The following JPH3 variants were observed in gnomAD, a reference collection of about 807,000 sequenced individuals.
JPH3 encodes the protein junctophilin-3.
Under a neutral mutation model 59.6 loss-of-function variants are expected in JPH3, and 11 were observed. The observed-to-expected ratio is 0.18, with a 90% confidence interval of 0.12 to 0.31. The LOEUF (loss-of-function observed/expected upper bound fraction) is 0.31, where lower values mean the gene tolerates loss of function less well. JPH3 is among the 10% of genes least tolerant of loss of function. JPH3 has a pLI of 1.00. For missense variants in JPH3, 1,202 were observed against 1,105.7 expected (o/e 1.09, Z -1.24); for synonymous variants, 673 against 483.6 (o/e 1.39, Z -5.14).
intron 1 of JPH3, among the ~76,000 whole-genome samples, chr16:87,615,244 A>T (rs1218078511): frequency 2.0e-5 from 3 of 152,214 alleles, no homozygotes; most frequent in Non-Finnish European, 4.4e-5. Context: ...TTGCCCAGTG[A>T]GTAGAAAAAT....
At chr16:87,692,789 G>A (rs1054456090) in intron 4 of JPH3, among the ~76,000 whole-genome samples, 28 of 152,194 alleles carry the variant, frequency 1.8e-4, no homozygotes, top group African/African-American at 6.5e-4. Flanking sequence ...GAGGATGGCT[G>A]GGGAGACAGA....
chr16:87,645,502 G>A (rs185963415), intron 2 of JPH3, among the ~76,000 whole-genome samples: 358 of 152,276 alleles, frequency 2.4e-3, no homozygotes, highest in African/African-American at 7.9e-3. Flanking sequence ...AGATTCTTCC[G>A]GGACCCTGGG....
rs143270891 is a variant in JPH3, at chr16:87,664,161, C to A, written c.1160+19126C>A. ...CCTGGCTAACACGGTGAAACCTCGT[C>A]TCTACTAAAAATATAAAAAATTAGC... is the stretch of plus-strand genomic sequence containing the variant. On this transcript the variant is annotated intron_variant, in intron 2 of 4. Coordinates refer to ENST00000284262, the MANE Select transcript of JPH3 (RefSeq NM_020655.4). Among the ~76,000 whole-genome samples the A allele has an allele frequency of 9.8e-3, 1,489 of 151,776 alleles. 13 individuals carry two copies. The highest frequency in any genetic ancestry group is 0.015 in the Non-Finnish European group (989 of 67,968).
intron 1 of JPH3, among the ~76,000 whole-genome samples, chr16:87,631,152 G>A (rs1460601564): frequency 2.0e-5 from 3 of 152,096 alleles, no homozygotes; most frequent in Non-Finnish European, 4.4e-5. Context: ...GTACAAATAC[G>A]TTTGTTTATT....
intron 2 of JPH3, among the ~76,000 whole-genome samples, chr16:87,656,260 C>T (rs1031204972): frequency 2.0e-5 from 3 of 152,220 alleles, no homozygotes; most frequent in Admixed American, 1.3e-4. Flanking sequence ...GCCGAACCCT[C>T]AGCTGGAGTC....
At chr16:87,614,649 C>T (rs2030877909) in intron 1 of JPH3, among the ~76,000 whole-genome samples, 1 of 151,464 alleles carries the variant, frequency 6.6e-6, no homozygotes, top group Non-Finnish European at 1.5e-5. Flanking sequence ...CCTCCCCGTC[C>T]CAGGATAAAG....
intron 1 of JPH3, among the ~76,000 whole-genome samples, chr16:87,636,022 C>T (rs545027931): frequency 1.5e-3 from 225 of 152,354 alleles, no homozygotes; most frequent in African/African-American, 5.0e-3. Context: ...CCGTGCTGAC[C>T]GAGCCAGACC....
chr16:87,653,011 A>G (rs1077698), intron 2 of JPH3, among the ~76,000 whole-genome samples: 69,426 of 151,900 alleles, frequency 0.46, 16,323 homozygotes, highest in Middle Eastern at 0.62. Context: ...TGCAGGGGGA[A>G]GTTGGGGCCT....
chr16:87,681,211 A>C (rs1011262476), intron 2 of JPH3, among the ~76,000 whole-genome samples: 1 of 147,716 alleles, frequency 6.8e-6, no homozygotes, highest in Non-Finnish European at 1.5e-5. Context: ...CGGTGATGAC[A>C]GTTCCGGGAG....
intron 1 of JPH3, among the ~76,000 whole-genome samples, chr16:87,620,297 C>T (rs2031124639): frequency 6.7e-6 from 1 of 149,782 alleles, no homozygotes. Flanking sequence ...GGTGGGGCTG[C>T]AGCGACAGTG....
intron 2 of JPH3, among the ~76,000 whole-genome samples, chr16:87,671,114 T>C (rs1362450244): frequency 6.6e-6 from 1 of 152,112 alleles, no homozygotes; most frequent in African/African-American, 2.4e-5. Flanking sequence ...TTCCTAATCA[T>C]TGAGTCTTTG....
At chr16:87,618,607 C>T (rs2031059630) in intron 1 of JPH3, among the ~76,000 whole-genome samples, 2 of 152,230 alleles carry the variant, frequency 1.3e-5, no homozygotes, top group South Asian at 4.1e-4. Context: ...TTTACTCGTT[C>T]CCGCCAGCAG....
At position 87,696,571 on chromosome 16, in the gene JPH3, C is replaced by G. The variant is rs201540001; in HGVS notation, c.2167-9C>G. On this transcript the variant is annotated splice_polypyrimidine_tract_variant and intron_variant, in intron 4 of 4. Coordinates refer to ENST00000284262, the MANE Select transcript of JPH3 (RefSeq NM_020655.4). ...CTGTCGCTCACCTCTTCCCCTCGCT[C>G]TCTTCCAGGGCTCAGCGCCTATCCT... 2.5e-3 allele frequency: 4,016 copies of G among 1,612,372 alleles called. 11 individuals are homozygous for G. The highest frequency in any genetic ancestry group is 3.1e-3 in the Non-Finnish European group (3,662 of 1,179,368).
intron 1 of JPH3, among the ~76,000 whole-genome samples, chr16:87,616,233 TG>T (rs1567583331): frequency 0.16 from 20,553 of 132,558 alleles, 2,540 homozygotes; most frequent in Non-Finnish European, 0.24. Context: ...TGTGTGTGTG[TG>T]TGTATTTTTT....
At chr16:87,666,653 G>C (rs900449544) in intron 2 of JPH3, among the ~76,000 whole-genome samples, 2 of 152,152 alleles carry the variant, frequency 1.3e-5, no homozygotes, top group African/African-American at 4.8e-5. Flanking sequence ...GGGCTGGCCT[G>C]GTGCTCTGGG....
intron 1 of JPH3, among the ~76,000 whole-genome samples, chr16:87,637,860 C>G (rs754082821): frequency 6.6e-6 from 1 of 152,068 alleles, no homozygotes; most frequent in Non-Finnish European, 1.5e-5. Flanking sequence ...GCACCCCGTG[C>G]GGGGGCTGCT....
At chr16:87,696,554 C>T (rs781222456) in intron 4 of JPH3, 26 bp from the exon 5 acceptor site, 3 of 1,604,788 alleles carry the variant, frequency 1.9e-6, no homozygotes, top group Non-Finnish European at 2.6e-6. Context: ...AGCTGTCGCT[C>T]ACCTCTTCCC....
intron 1 of JPH3, among the ~76,000 whole-genome samples, chr16:87,639,136 A>G (rs2031855197): frequency 1.3e-5 from 2 of 152,164 alleles, no homozygotes; most frequent in Admixed American, 1.3e-4. Flanking sequence ...GATGATCATA[A>G]TAGTTACCAT....
At chr16:87,695,815 G>A (rs1326663640) in intron 4 of JPH3, 1 of 456,078 alleles carries the variant, frequency 2.2e-6, no homozygotes, top group East Asian at 7.0e-5. Flanking sequence ...GCTCTGTTGT[G>A]AGACGTGTCC....
Sources: gnomAD v4.1 joint callset for allele counts (sites outside exome capture counted in the v4.1 genomes callset) on GRCh38, gnomAD v4.1.1 for gene constraint, MANE v1.5 for transcripts, NCBI Gene and HGNC (gene_info 2026-07-23, HGNC 2026-07-21) for gene names.